Variants in KASH5 observed in about 807,000 individuals in gnomAD.
KASH5 encodes the protein KASH domain containing 5, also known as protein KASH5.
KASH5 carries 72 observed loss-of-function variants against 84.2 expected under a neutral mutation model. The observed-to-expected ratio is 0.85, with a 90% CI of 0.71 to 1.04. The LOEUF (loss-of-function observed/expected upper bound fraction) is 1.04. Among genes scored for constraint, KASH5 ranks in the 50% least tolerant of loss-of-function variants. The probability of loss-of-function intolerance (pLI) is 0.00; values close to 1 mark genes in which losing one functional copy is unlikely to be tolerated. For synonymous variants in KASH5, 260 were observed against 279.1 expected (o/e 0.93, Z 0.68); for missense variants, 650 against 701.0 (o/e 0.93, Z 0.82).
chr19:49,399,293 C>A lies in KASH5; in HGVS notation c.747+151C>A. On this transcript the variant is annotated intron_variant, in intron 8 of 19. Transcript: ENST00000447857. The surrounding 1 kb of genome is among the most constrained non-coding windows in gnomAD (Gnocchi z 4.4). Reference sequence around the variant, plus strand: ...CCTGCTCACCCTAGACTTTTTCAAGCTTACCTGCCATCCTTCTCATGACAA... The same window carrying A: ...CCTGCTCACCCTAGACTTTTTCAAGATTACCTGCCATCCTTCTCATGACAA... 1 of 942,798 alleles carries A rather than the reference C, an allele frequency of 1.1e-6. No individual in the cohort carries two copies. Among genetic ancestry groups the A allele is most frequent in the Non-Finnish European group, 1.6e-6 (1 of 626,294 alleles). The allele number at this position is 942,798 out of a possible 1,614,324, so 58.4% of individuals were successfully genotyped here.
At chr19:49,392,090 C>T (rs935116328) in intron 2 of KASH5, among the ~76,000 whole-genome samples, 2 of 152,036 alleles carry the variant, frequency 1.3e-5, no homozygotes, top group Non-Finnish European at 2.9e-5. Flanking sequence ...CACCAGGATC[C>T]GGGTGGCAAG....
At chr19:49,396,701 C>T (rs903271837) in intron 5 of KASH5, among the ~76,000 whole-genome samples, 2 of 152,162 alleles carry the variant, frequency 1.3e-5, no homozygotes, top group African/African-American at 4.8e-5. Context: ...CCACTGGCAC[C>T]TGGGTTTAGT....
At position 49,405,956 on chromosome 19, in the gene KASH5, C is replaced by CAAAA. The variant is rs59895865; in HGVS notation, c.799-911_799-908dup. Among the ~76,000 whole-genome samples, 260 of 67,826 alleles carry CAAAA rather than the reference C, an allele frequency of 3.8e-3. 4 individuals carry two copies. The highest frequency in any genetic ancestry group is 0.014 in the African/African-American group (245 of 17,404). The allele number at this position is 67,826 out of a possible 152,430, so 44.5% of individuals were successfully genotyped here. ...GGGCAACATGAGGGAAACTCCGTCT[C>CAAAA]AAAAAAAAAAAAAAAAAAAAAATTA... On this transcript the variant is annotated intron_variant, in intron 9 of 19. Coordinates refer to ENST00000447857, the MANE Select transcript of KASH5 (RefSeq NM_144688.5).
At position 49,417,708 on chromosome 19, in the gene KASH5, C is replaced by A; in HGVS notation, c.*198C>A. ...TTTCTTAACAATAGCAAAACTCCCC[C>A]AGTAATGGATTAAGCACTAAGGATT... On this transcript the variant is annotated 3_prime_UTR_variant, in exon 20 of 20. Transcript: ENST00000447857. The surrounding 1 kb of genome is among the most constrained non-coding windows in gnomAD (Gnocchi z 5.2). 1 of 652,304 alleles carries A rather than the reference C, an allele frequency of 1.5e-6. No homozygotes were observed. The highest frequency in any genetic ancestry group is 2.3e-6 in the Non-Finnish European group (1 of 429,368). The allele number at this position is 652,304 out of a possible 1,614,324, so 40.4% of individuals were successfully genotyped here.
At chr19:49,411,448 T>C (rs182473933) in intron 15 of KASH5, among the ~76,000 whole-genome samples, 10 of 152,308 alleles carry the variant, frequency 6.6e-5, no homozygotes, top group African/African-American at 2.4e-4. Flanking sequence ...ACTCTCCCAG[T>C]ATCTCTGTAA....
chr19:49,393,359 C>G (rs758171434), intron 2 of KASH5: 18 of 152,250 alleles, frequency 1.2e-4, no homozygotes, highest in Admixed American at 6.5e-4. Flanking sequence ...AGAGGTAACA[C>G]CAACCCCATT....
intron 1 of KASH5, chr19:49,389,504 A>G (rs1310269447): frequency 6.6e-6 from 1 of 151,282 alleles, no homozygotes; most frequent in Non-Finnish European, 1.5e-5. Flanking sequence ...TCCATCCCGA[A>G]CCCACTCCGT....
chr19:49,398,396 TCTCA>T lies in KASH5; in HGVS notation c.629+257_629+260del, dbSNP rs1354636408. ...TCTTTTTTTTTTTTTTGAGACAGGTTCTCACTCTGTCACCCAGGCTGGAGTGCAG... is the reference window on the plus strand; with the variant it reads ...TCTTTTTTTTTTTTTTGAGACAGGTTCTCTGTCACCCAGGCTGGAGTGCAG... On this transcript the variant is annotated intron_variant, in intron 7 of 19. Coordinates refer to ENST00000447857, the MANE Select transcript of KASH5 (RefSeq NM_144688.5). Among the ~76,000 whole-genome samples the T allele has an allele frequency of 9.9e-5, 15 of 151,106 alleles. 1 individual carries two copies. The highest frequency in any genetic ancestry group is 9.9e-4 in the Admixed American group (15 of 15,202).
At chr19:49,415,990 G>A (rs993115557) in intron 17 of KASH5, among the ~76,000 whole-genome samples, 5 of 152,166 alleles carry the variant, frequency 3.3e-5, no homozygotes, top group Admixed American at 2.0e-4. Context: ...GGGATGAGGC[G>A]GTGCAGTGGG....
At chr19:49,407,568 T>G in intron 11 of KASH5, 44 bp from the exon 12 acceptor site, 1 of 1,546,380 alleles carries the variant, frequency 6.5e-7, no homozygotes, top group Non-Finnish European at 8.8e-7. Flanking sequence ...CCCAGTGTCT[T>G]TGGGGAACTG....
intron 2 of KASH5, chr19:49,393,880 A>G (rs1455317195): frequency 6.5e-6 from 1 of 152,906 alleles, no homozygotes; most frequent in Admixed American, 6.5e-5. Flanking sequence ...GATCCAGCTC[A>G]TAACCATTCC....
At chr19:49,407,818 T>C in intron 12 of KASH5, 147 bp downstream of exon 12, 1 of 762,980 alleles carries the variant, frequency 1.3e-6, no homozygotes, top group Non-Finnish European at 2.3e-6. Context: ...TATGACTGCA[T>C]GTCTCCCCCT....
At chr19:49,400,489 C>G (rs1974332820) in intron 9 of KASH5, among the ~76,000 whole-genome samples, 1 of 151,842 alleles carries the variant, frequency 6.6e-6, no homozygotes. Flanking sequence ...CTCAGCCTCC[C>G]AAGTAGCTGG....
chr19:49,394,610 C>A, intron 3 of KASH5, 30 bp downstream of exon 3: 2 of 1,549,810 alleles, frequency 1.3e-6, no homozygotes, highest in Non-Finnish European at 1.8e-6. Context: ...TGCTGGGGAC[C>A]AGTGCGGGCA....
intron 3 of KASH5, chr19:49,394,847 T>C: frequency 1.7e-6 from 1 of 586,568 alleles, no homozygotes; most frequent in Admixed American, 3.0e-5. Flanking sequence ...GCCACCATGG[T>C]GGCGTGGGGC....
chr19:49,390,674 C>G, intron 1 of KASH5, 115 bp from the exon 2 acceptor site: 2 of 536,182 alleles, frequency 3.7e-6, no homozygotes, highest in South Asian at 2.5e-5. Flanking sequence ...CAGGTCACAG[C>G]GGGGGTGACA....
At chr19:49,405,585 G>A (rs1451650362) in intron 9 of KASH5, among the ~76,000 whole-genome samples, 2 of 152,124 alleles carry the variant, frequency 1.3e-5, no homozygotes, top group African/African-American at 4.8e-5. Context: ...AAGTCCTCAA[G>A]TAGGAGATAA....
Position 49,417,365 on chromosome 19 carries a change from C to A in KASH5, c.1548-4C>A. On this transcript the variant is annotated splice_polypyrimidine_tract_variant and splice_region_variant and intron_variant, in intron 19 of 19. Coordinates refer to ENST00000447857, the MANE Select transcript of KASH5 (RefSeq NM_144688.5). This position sits in a 1 kb window ranked among gnomAD's most constrained non-coding sequence, Gnocchi z 5.2. The stretch of plus-strand genomic sequence containing the variant: ...CCCTAAATGCTCTCCCACCTCCCCA[C>A]CAGAGTCACTCGACATCCACTGATC... 6.4e-7 allele frequency: 1 copy of A among 1,552,794 alleles called. No homozygotes were observed. Among genetic ancestry groups the A allele is most frequent in the East Asian group, 2.4e-5 (1 of 41,102 alleles).
chr19:49,399,525 A>ACCACCC lies in KASH5; in HGVS notation c.798+26_798+31dup. 1 of 1,597,686 alleles carries ACCACCC rather than the reference A, an allele frequency of 6.3e-7. No individual in the cohort carries two copies. Among genetic ancestry groups the ACCACCC allele is most frequent in the Non-Finnish European group, 8.5e-7 (1 of 1,172,142 alleles). On this transcript the variant is annotated intron_variant, in intron 9 of 19. Coordinates refer to ENST00000447857, the MANE Select transcript of KASH5 (RefSeq NM_144688.5). This position sits in a 1 kb window ranked among gnomAD's most constrained non-coding sequence, Gnocchi z 4.4. The stretch of plus-strand genomic sequence containing the variant: ...AGGAGGAGGTGAGCGGAGGCCCAGC[A>ACCACCC]CCACCCCCACCCCTTCCCCAGTCCT...
Sources: gnomAD v4.1 joint callset for allele counts (sites outside exome capture counted in the v4.1 genomes callset) on GRCh38, gnomAD v4.1.1 for gene constraint, Gnocchi (gnomAD v3.1) non-coding constraint, MANE v1.5 for transcripts, NCBI Gene and HGNC (gene_info 2026-07-23, HGNC 2026-07-21) for gene names.